Variants in JAKMIP3 observed in about 807,000 individuals in gnomAD.
The protein encoded by JAKMIP3 is janus kinase and microtubule-interacting protein 3.
JAKMIP3 carries 58 observed loss-of-function variants against 118.5 expected under a neutral mutation model. The observed-to-expected ratio is 0.49, with a 90% confidence interval of 0.40 to 0.61. JAKMIP3 has a LOEUF of 0.61. JAKMIP3 is among the 20% of genes least tolerant of loss of function. JAKMIP3 has a pLI of 0.00. For synonymous variants in JAKMIP3, 486 were observed against 451.2 expected, an observed-to-expected ratio of 1.08 and a Z score of -0.98; for missense variants, 950 against 1,109.0, an observed-to-expected ratio of 0.86 and a Z score of 2.04.
chr10:132,105,915 G>A (rs977326019), intron 2 of JAKMIP3, among the ~76,000 whole-genome samples: 16 of 152,266 alleles, frequency 1.1e-4, no homozygotes, highest in African/African-American at 3.4e-4. Flanking sequence ...GAGGGGAGTC[G>A]GGTTATTTGG....
chr10:132,077,543 A>G (rs1029354563), intron 1 of JAKMIP3, among the ~76,000 whole-genome samples: 7 of 152,248 alleles, frequency 4.6e-5, no homozygotes, highest in African/African-American at 1.7e-4. Context: ...CCTGGAGCTC[A>G]TCAATGGACT....
At chr10:132,064,653 G>A (rs536916460), upstream of JAKMIP3, among the ~76,000 whole-genome samples, 9 of 152,306 alleles carry the variant, frequency 5.9e-5, no homozygotes, top group East Asian at 9.7e-4. The surrounding 1 kb of genome is among the most constrained non-coding windows in gnomAD (Gnocchi z 4.4). Flanking sequence ...TCCGTCACAC[G>A]AGTCAGGACA....
chr10:132,087,033 T>C (rs2042484899), intron 1 of JAKMIP3, among the ~76,000 whole-genome samples: 1 of 152,242 alleles, frequency 6.6e-6, no homozygotes, highest in Non-Finnish European at 1.5e-5. Context: ...GAGCTCCCTT[T>C]AGCAGTTCTT....
At chr10:132,161,516 C>T (rs1370018265) in intron 19 of JAKMIP3, among the ~76,000 whole-genome samples, 1 of 50,948 alleles carries the variant, frequency 2.0e-5, no homozygotes. Context: ...CTGTGTGATG[C>T]TGGGGGGCCT....
intron 23 of JAKMIP3, among the ~76,000 whole-genome samples, chr10:132,180,574 TGTGTGCGTGC>T (rs1439366107): frequency 2.3e-5 from 1 of 42,704 alleles, no homozygotes; most frequent in Non-Finnish European, 4.0e-5. Context: ...TGTGCGTGTG[TGTGTGCGTGC>T]GCGTGTGTGT....
Position 132,140,506 on chromosome 10 carries a change from A to G in JAKMIP3, c.1400A>G (p.Asp467Gly). 3 of 1,613,820 alleles carry G rather than the reference A, an allele frequency of 1.9e-6. No individual in the cohort carries two copies. The highest frequency in any genetic ancestry group is 2.5e-6 in the Non-Finnish European group (3 of 1,179,824). ...GACGAAGAGGCTTCCCTGGAATCCGACGGCTCCTCCGTCTCTTACCAAACA... is the reference window on the plus strand; with the variant it reads ...GACGAAGAGGCTTCCCTGGAATCCGGCGGCTCCTCCGTCTCTTACCAAACA... ...GYDEEASLES[D>G]GSSVSYQTDR... The change falls in exon 10 of 24, where the codon GAC (aspartate) becomes GGC (glycine). Residue 467 changes from aspartate to glycine, a missense_variant. Coordinates refer to ENST00000684848, the MANE Select transcript of JAKMIP3 (RefSeq NM_001323087.2).
Position 132,133,378 on chromosome 10 carries a change from G to A in JAKMIP3, c.700G>A (p.Gly234Arg), listed in dbSNP as rs367972899. 21 of 1,602,818 alleles carry A rather than the reference G, an allele frequency of 1.3e-5. No homozygotes were observed. The highest frequency in any genetic ancestry group is 4.5e-5 in the East Asian group (2 of 44,426). ...GGAGAGAGAGTTAGGGGTTCAAGCC[G>A]GGCATGCTCAGAGACTGCAGCTCCA... is the stretch of plus-strand genomic sequence containing the variant. Reference protein sequence around the residue: ...VLERELGVQAGHAQRLQLQKE... With the variant: ...VLERELGVQARHAQRLQLQKE... Residue 234 changes from glycine (G) to arginine (R), a missense_variant, in exon 4 of 24, where the codon GGG becomes AGG. Gly to Arg is a moderately radical substitution (Grantham distance 125). Coordinates refer to ENST00000684848, the MANE Select transcript of JAKMIP3 (RefSeq NM_001323087.2).
At chr10:132,122,961 A>G (rs1297170697) in intron 3 of JAKMIP3, among the ~76,000 whole-genome samples, 1 of 152,220 alleles carries the variant, frequency 6.6e-6, no homozygotes, top group Non-Finnish European at 1.5e-5. Context: ...TTCAGGCCCC[A>G]GTGATTCCAC....
chr10:132,043,391 T>C (rs1183784057), intron 1 of JAKMIP3, among the ~76,000 whole-genome samples: 2 of 151,986 alleles, frequency 1.3e-5, no homozygotes, highest in African/African-American at 4.8e-5. Flanking sequence ...TGTGTGTGTG[T>C]GTATGTTTGT....
In JAKMIP3 at chr10:132,076,664, G is replaced by A. The variant is rs111891227; in HGVS notation, c.-138+10603G>A. Among the ~76,000 whole-genome samples the A allele has an allele frequency of 1.6e-3, 237 of 150,824 alleles. 1 individual carries two copies. Among genetic ancestry groups the A allele is most frequent in the African/African-American group, 3.8e-3 (155 of 41,032 alleles). On this transcript the variant is annotated intron_variant, in intron 1 of 23. Transcript: ENST00000684848. ...TTGAGGGCTGGCCTGTGGTGGCCCC[G>A]GGTCTGATGGCATGAGGACTGGCCT...
intron 23 of JAKMIP3, among the ~76,000 whole-genome samples, chr10:132,180,722 T>TGTGTGCGC (rs2061151053): frequency 4.6e-5 from 1 of 21,908 alleles, no homozygotes; most frequent in Admixed American, 6.0e-4. Context: ...TGTGTGTGCG[T>TGTGTGCGC]GTGTGTGCGT....
At chr10:132,147,535 T>C (rs1035001851) in intron 13 of JAKMIP3, among the ~76,000 whole-genome samples, 1 of 152,216 alleles carries the variant, frequency 6.6e-6, no homozygotes, top group Non-Finnish European at 1.5e-5. Context: ...GGGAGCCACC[T>C]GGGACATTTA....
At chr10:132,098,281 C>T (rs1421462433) in intron 1 of JAKMIP3, among the ~76,000 whole-genome samples, 8 of 152,046 alleles carry the variant, frequency 5.3e-5, no homozygotes, top group Admixed American at 5.2e-4. Context: ...ACCTTAGCCT[C>T]TTAAGGTGCT....
At chr10:132,139,211 T>TGTGC (rs764809162) in intron 9 of JAKMIP3, among the ~76,000 whole-genome samples, 1 of 144,164 alleles carries the variant, frequency 6.9e-6, no homozygotes. Flanking sequence ...TGTGTGTGTG[T>TGTGC]ATGTGTGTAC....
rs144303487 is a variant in JAKMIP3, at chr10:132,072,112, C to T, written c.-138+6051C>T. 6.4e-3 allele frequency among the ~76,000 whole-genome samples: 968 copies of T among 152,068 alleles called. 10 individuals are homozygous for T. The highest frequency in any genetic ancestry group is 0.016 in the South Asian group (77 of 4,806). On this transcript the variant is annotated intron_variant, in intron 1 of 23. Transcript: ENST00000684848. ...GATTACAGGCATGCACCACCATGCC[C>T]GGCTAATTTTTATACTTTTAGTTGA...
rs775817033 is a variant in JAKMIP3, at chr10:132,118,267, G to C, written c.633+693G>C. Among the ~76,000 whole-genome samples, 3 of 152,180 alleles carry C rather than the reference G, an allele frequency of 2.0e-5. No homozygotes were observed. The highest frequency in any genetic ancestry group is 2.9e-5 in the Non-Finnish European group (2 of 68,032). ...ACCCATGGCAGGCACCAGGAGAGTC[G>C]ATGTTCTCAAAGGCCCAGGGTTCAG... On this transcript the variant is annotated intron_variant, in intron 3 of 23. Coordinates refer to ENST00000684848, the MANE Select transcript of JAKMIP3 (RefSeq NM_001323087.2). This position sits in a 1 kb window ranked among gnomAD's most constrained non-coding sequence, Gnocchi z 4.8.
At chr10:132,100,293 G>A (rs980041923) in intron 1 of JAKMIP3, among the ~76,000 whole-genome samples, 24 of 152,266 alleles carry the variant, frequency 1.6e-4, no homozygotes, top group African/African-American at 2.6e-4. Context: ...AGTGTGCCAC[G>A]TGGGGCCGAG....
intron 1 of JAKMIP3, among the ~76,000 whole-genome samples, chr10:132,081,066 G>T (rs1180925182): frequency 6.6e-6 from 1 of 152,046 alleles, no homozygotes; most frequent in Non-Finnish European, 1.5e-5. Context: ...TTTTTCTAGA[G>T]TTTTGTACTT....
chr10:132,135,338 G>T (rs1034744430), intron 5 of JAKMIP3, among the ~76,000 whole-genome samples, 178 bp downstream of exon 5: 4 of 152,204 alleles, frequency 2.6e-5, no homozygotes, highest in African/African-American at 9.7e-5. Context: ...ACAGGTAGGG[G>T]TCACATTTGC....
Sources: allele counts gnomAD v4.1 joint callset (sites outside exome capture counted in the v4.1 genomes callset), GRCh38; gene constraint gnomAD v4.1.1; non-coding constraint Gnocchi (gnomAD v3.1); transcripts MANE v1.5; gene names NCBI Gene and HGNC (gene_info 2026-07-23, HGNC 2026-07-21).